GPC6: variants seen among roughly 807,000 people sequenced by gnomAD.
GPC6 encodes glypican-6.
GPC6 carries 14 observed loss-of-function variants against 55.2 expected under a neutral mutation model. The observed-to-expected ratio is 0.25, with a 90% CI of 0.17 to 0.40. The LOEUF is 0.40. GPC6 is among the 10% of genes least tolerant of loss of function. GPC6 has a pLI of 1.00. For synonymous variants in GPC6, 278 were observed against 259.6 expected, an observed-to-expected ratio of 1.07 and a Z score of -0.68; for missense variants, 641 against 708.5, an observed-to-expected ratio of 0.90 and a Z score of 1.08.
rs1229841914 is a variant in GPC6 at position 93,231,361 on chromosome 13, GTATA to G, written c.160+3760_160+3763del. On this transcript the variant is annotated intron_variant, in intron 1 of 8. Transcript: ENST00000377047. Reference sequence around the variant, plus strand: ...TATATATATACATATATATATATACGTATATATATATATATATACATATATATAT... The same window carrying G: ...TATATATATACATATATATATATACGTATATATATATATACATATATATAT... Among the ~76,000 whole-genome samples, 57 of 86,234 alleles carry G rather than the reference GTATA, an allele frequency of 6.6e-4. 1 individual carries two copies. The highest frequency in any genetic ancestry group is 2.3e-3 in the African/African-American group (49 of 21,392). 56.6% of individuals were successfully genotyped at this position (86,234 alleles called of 152,430 possible).
chr13:93,931,950 G>A (rs966832253), intron 3 of GPC6, among the ~76,000 whole-genome samples: 8 of 152,034 alleles, frequency 5.3e-5, no homozygotes, highest in Non-Finnish European at 1.2e-4. Context: ...TAGTAGTTGC[G>A]GGATAGAGGA....
chr13:93,481,034 C>T (rs960900563), intron 1 of GPC6, among the ~76,000 whole-genome samples: 10 of 152,114 alleles, frequency 6.6e-5, no homozygotes, highest in Non-Finnish European at 1.3e-4. Context: ...CCTGAAGCAT[C>T]TGTGGCATTT....
intron 1 of GPC6, among the ~76,000 whole-genome samples, chr13:93,465,975 G>T (rs1033142528): frequency 6.6e-6 from 1 of 152,080 alleles, no homozygotes; most frequent in Non-Finnish European, 1.5e-5. Flanking sequence ...AGACAGAGAT[G>T]GGGGGAACGG....
chr13:94,217,932 A>G lies in GPC6; in HGVS notation c.878-68417A>G, dbSNP rs567206823. Among the ~76,000 whole-genome samples the G allele has an allele frequency of 4.6e-3, 703 of 152,334 alleles. 3 individuals carry two copies. Among genetic ancestry groups the G allele is most frequent in the Non-Finnish European group, 8.3e-3 (562 of 68,034 alleles). On this transcript the variant is annotated intron_variant, in intron 4 of 8. Coordinates refer to ENST00000377047, the MANE Select transcript of GPC6 (RefSeq NM_005708.5). ...AAAGACATATTTGTTAGTGCCAGGC[A>G]CAATAGCACTTCACCAATATGAGTG...
At chr13:93,618,420 T>TACTCA (rs1372774060) in intron 2 of GPC6, among the ~76,000 whole-genome samples, 3 of 152,108 alleles carry the variant, frequency 2.0e-5, no homozygotes, top group Non-Finnish European at 2.9e-5. Flanking sequence ...GAGCCTCACA[T>TACTCA]ACTCATCTCA....
intron 2 of GPC6, among the ~76,000 whole-genome samples, chr13:93,825,788 T>C (rs2138973074): frequency 6.6e-6 from 1 of 152,218 alleles, no homozygotes; most frequent in African/African-American, 2.4e-5. Flanking sequence ...CTGGTAAGTT[T>C]ATTGAGTGTC....
At chr13:94,218,683 C>G (rs1475262635) in intron 4 of GPC6, among the ~76,000 whole-genome samples, 1 of 152,174 alleles carries the variant, frequency 6.6e-6, no homozygotes, top group African/African-American at 2.4e-5. Flanking sequence ...GGCATAAGTT[C>G]TACATCTAGA....
intron 4 of GPC6, among the ~76,000 whole-genome samples, chr13:94,170,642 A>G (rs768010114): frequency 5.9e-5 from 9 of 152,258 alleles, no homozygotes; most frequent in Non-Finnish European, 8.8e-5. Context: ...CCTCAAAATC[A>G]GACTGGATTT....
chr13:93,921,484 T>C (rs1877567334), intron 3 of GPC6, among the ~76,000 whole-genome samples: 1 of 152,096 alleles, frequency 6.6e-6, no homozygotes, highest in African/African-American at 2.4e-5. Context: ...GAGGTGGCTC[T>C]CAGCTGGATG....
At chr13:93,411,846 C>T (rs546441416) in intron 1 of GPC6, among the ~76,000 whole-genome samples, 10 of 151,760 alleles carry the variant, frequency 6.6e-5, no homozygotes, top group African/African-American at 2.4e-4. Context: ...ACTAAAAATA[C>T]AAAAACACTA....
At chr13:94,371,520 A>G (rs951648745) in intron 6 of GPC6, among the ~76,000 whole-genome samples, 1 of 152,214 alleles carries the variant, frequency 6.6e-6, no homozygotes, top group East Asian at 1.9e-4. Flanking sequence ...TCCTTTTTGT[A>G]TAAGGGTGTA....
At chr13:94,288,933 A>ATATATATTT (rs1491131003) in intron 5 of GPC6, among the ~76,000 whole-genome samples, 2,138 of 111,754 alleles carry the variant, frequency 0.019, 29 homozygotes, top group South Asian at 0.033. Context: ...TAACAAATAT[A>ATATATATTT]GATAGATAGA....
At chr13:94,132,266 A>G (rs555933613) in intron 4 of GPC6, among the ~76,000 whole-genome samples, 1 of 152,288 alleles carries the variant, frequency 6.6e-6, no homozygotes, top group African/African-American at 2.4e-5. Flanking sequence ...TGTATTTGGT[A>G]CAGGATCAGT....
intron 1 of GPC6, among the ~76,000 whole-genome samples, chr13:93,449,765 T>C (rs1214055203): frequency 6.6e-6 from 1 of 151,828 alleles, no homozygotes; most frequent in Non-Finnish European, 1.5e-5. Flanking sequence ...GAGGCAGAGG[T>C]TGCAGTGAGC....
At chr13:93,746,812 A>G in intron 2 of GPC6, among the ~76,000 whole-genome samples, 1 of 152,198 alleles carries the variant, frequency 6.6e-6, no homozygotes. Context: ...AAATGTTTGT[A>G]CAAGCTGTTA....
At position 93,473,267 on chromosome 13, in the gene GPC6, A is replaced by G. The variant is rs1394025397; in HGVS notation, c.161-71996A>G. ...AAGGGGCACCTATAGGTCAGTGTTG[A>G]ACTGCCCTAAGCCCCTACTTGTTTC... is the stretch of plus-strand genomic sequence containing the variant. On this transcript the variant is annotated intron_variant, in intron 1 of 8. Coordinates refer to ENST00000377047, the MANE Select transcript of GPC6 (RefSeq NM_005708.5). Among the ~76,000 whole-genome samples, 6 of 152,156 alleles carry G rather than the reference A, an allele frequency of 3.9e-5. No homozygotes were observed. The East Asian group carries it at 1.2e-3, about 29-fold the overall frequency.
chr13:93,240,886 C>T (rs995829526), intron 1 of GPC6, among the ~76,000 whole-genome samples: 3 of 152,002 alleles, frequency 2.0e-5, no homozygotes, highest in Non-Finnish European at 4.4e-5. Flanking sequence ...CTTATTTCTC[C>T]CTCATTTATG....
intron 4 of GPC6, among the ~76,000 whole-genome samples, chr13:94,134,647 T>C (rs190271648): frequency 6.2e-4 from 94 of 152,310 alleles, no homozygotes; most frequent in Non-Finnish European, 9.6e-4. Flanking sequence ...AATTATGGAA[T>C]GTGTTAAATA....
chr13:93,440,262 T>G (rs928288869), intron 1 of GPC6, among the ~76,000 whole-genome samples: 1 of 152,222 alleles, frequency 6.6e-6, no homozygotes, highest in Non-Finnish European at 1.5e-5. Context: ...TGGAACTCCC[T>G]GTCACAAGTT....
Sources: gnomAD v4.1 joint callset for allele counts (sites outside exome capture counted in the v4.1 genomes callset) on GRCh38, gnomAD v4.1.1 for gene constraint, MANE v1.5 for transcripts, NCBI Gene and HGNC (gene_info 2026-07-23, HGNC 2026-07-21) for gene names.